UST: variants seen among roughly 807,000 people sequenced by gnomAD.
UST encodes the protein uronyl 2-sulfotransferase.
Under a neutral mutation model 45.6 loss-of-function variants are expected in UST, and 21 were observed. The observed-to-expected ratio is 0.46, with a 90% CI of 0.33 to 0.66. UST has a LOEUF of 0.66. Ranked by LOEUF, UST falls within the 30% of genes least tolerant of loss-of-function variation. UST has a pLI of 0.02. For synonymous variants in UST, 215 were observed against 200.6 expected (o/e 1.07, Z -0.61); for missense variants, 463 against 512.4 (o/e 0.90, Z 0.93).
intron 2 of UST, among the ~76,000 whole-genome samples, chr6:148,936,364 C>T (rs1297082365): frequency 2.0e-5 from 3 of 151,992 alleles, no homozygotes; most frequent in Non-Finnish European, 4.4e-5. Flanking sequence ...CTGTGATCCA[C>T]GGGGAGTATG....
chr6:148,877,282 G>A (rs1272935489), intron 1 of UST, among the ~76,000 whole-genome samples: 15 of 56,740 alleles, frequency 2.6e-4, no homozygotes, highest in African/African-American at 5.8e-4. Context: ...AGTGCGGGGA[G>A]TTGTGTATGA....
intron 5 of UST, among the ~76,000 whole-genome samples, chr6:149,017,270 G>A (rs1258985029): frequency 2.0e-5 from 3 of 152,000 alleles, no homozygotes; most frequent in Non-Finnish European, 2.9e-5. Context: ...CCAGCTACTC[G>A]GGAGGCTGAG....
chr6:149,043,507 C>G (rs1316972168), intron 7 of UST, among the ~76,000 whole-genome samples: 1 of 152,262 alleles, frequency 6.6e-6, no homozygotes, highest in Non-Finnish European at 1.5e-5. Flanking sequence ...TCCCCTAGAA[C>G]AGTGAGCATT....
rs914547098 is a variant in UST, at chr6:148,950,083, G to A, written c.448-3789G>A. 4.6e-5 allele frequency among the ~76,000 whole-genome samples: 7 copies of A among 152,192 alleles called. No homozygotes were observed. The South Asian group carries it at 1.5e-3, about 32-fold the overall frequency. Reference sequence around the variant, plus strand: ...AGGTAGTCACCTCCTTAACCCTCCCGGAACCTCCCCTTCTGTCTTACTTAC... The same window carrying A: ...AGGTAGTCACCTCCTTAACCCTCCCAGAACCTCCCCTTCTGTCTTACTTAC... On this transcript the variant is annotated intron_variant, in intron 3 of 7. Coordinates refer to ENST00000367463, the MANE Select transcript of UST (RefSeq NM_005715.3).
In UST at chr6:148,747,643, C is replaced by G. The variant is rs759786700; in HGVS notation, c.213C>G (p.Pro71=). Residue 71 remains proline, a synonymous_variant, in exon 1 of 8, where the codon CCC becomes CCG. Transcript: ENST00000367463. The part of the protein sequence containing the change: ...GSLLYQLSGG[P]PRFLLDLRQY... ...TCCTCTATCAGCTCAGCGGGGGACC[C>G]CCTCGCTTCCTGCTCGACCTGCGGC... The G allele has an allele frequency of 6.3e-7, 1 of 1,599,282 alleles. No homozygotes were observed. Among genetic ancestry groups the G allele is most frequent in the Admixed American group, 1.7e-5 (1 of 58,360 alleles).
rs1355528806 is a variant in UST at position 148,887,024 on chromosome 6, A to C, written c.286A>C (p.Ser96Arg). ...TYLDDHGPPP[S>R]KVLPFPSQVV... ...CTTGGATGACCATGGACCACCTCCT[A>C]GTAAGGTAAGATCTTTGCTTGTGAT... is the stretch of plus-strand genomic sequence containing the variant. The change falls in exon 2 of 8, where the codon AGT (serine) becomes CGT (arginine). Residue 96 changes from serine to arginine, a missense_variant. Transcript: ENST00000367463. 6.2e-7 allele frequency: 1 copy of C among 1,612,640 alleles called. No homozygotes were observed. Among genetic ancestry groups the C allele is most frequent in the Non-Finnish European group, 8.5e-7 (1 of 1,179,264 alleles).
rs765248980 is a variant in UST at position 148,953,942 on chromosome 6, A to G, written c.518A>G (p.Asn173Ser). The G allele has an allele frequency of 1.9e-6, 3 of 1,606,980 alleles. No homozygotes were observed. Among genetic ancestry groups the G allele is most frequent in the South Asian group, 1.1e-5 (1 of 89,738 alleles). The change falls in exon 4 of 8, where the codon AAC becomes AGC. Residue 173 changes from asparagine to serine, a missense_variant. Asn to Ser is a conservative substitution (Grantham distance 46). This residue lies in a region of UST where 287 missense variants were observed against 374.2 expected (regional missense o/e 0.77). Coordinates refer to ENST00000367463, the MANE Select transcript of UST (RefSeq NM_005715.3). ...YLFTRHVHFL[N>S]FSRFGGDQPV... ...TTCACTCGACATGTTCATTTCCTCA[A>G]CTTCTCAAGGTAAGACATTTTCCAG...
intron 3 of UST, among the ~76,000 whole-genome samples, chr6:148,946,624 A>G (rs1780244186): frequency 6.6e-6 from 1 of 150,960 alleles, no homozygotes; most frequent in Non-Finnish European, 1.5e-5. Flanking sequence ...ATCCTGGCTA[A>G]CATGGTGAAA....
chr6:149,011,318 G>A (rs1398437470), intron 5 of UST, among the ~76,000 whole-genome samples: 1 of 152,306 alleles, frequency 6.6e-6, no homozygotes, highest in East Asian at 1.9e-4. Flanking sequence ...ACTGGAAAGG[G>A]TAATGGCAGT....
At chr6:148,762,396 T>A (rs1776237886) in intron 1 of UST, among the ~76,000 whole-genome samples, 1 of 152,206 alleles carries the variant, frequency 6.6e-6, no homozygotes, top group South Asian at 2.1e-4. Flanking sequence ...TTGAAATGTA[T>A]GCAGTTACCA....
At chr6:149,073,762 T>C in intron 7 of UST, 71 bp from the exon 8 acceptor site, 2 of 1,552,660 alleles carry the variant, frequency 1.3e-6, no homozygotes, top group Non-Finnish European at 1.7e-6. Context: ...ACAGGTAATG[T>C]GGGTCCTCGC....
intron 1 of UST, among the ~76,000 whole-genome samples, chr6:148,865,507 G>A (rs549331572): frequency 8.6e-5 from 13 of 152,046 alleles, no homozygotes; most frequent in African/African-American, 2.2e-4. Context: ...TACTTATTAC[G>A]TTTAATATAA....
In UST at chr6:148,964,432, T is replaced by C; in HGVS notation, c.550T>C (p.Tyr184His). Residue 184 changes from tyrosine (Y) to histidine (H), a missense_variant, in exon 5 of 8, where the codon TAC becomes CAC. Tyr to His is a moderately conservative substitution (Grantham distance 83). This residue lies in a region of UST where 287 missense variants were observed against 374.2 expected (regional missense o/e 0.77). Coordinates refer to ENST00000367463, the MANE Select transcript of UST (RefSeq NM_005715.3). ...FSRFGGDQPV[Y>H]INIIRDPVNR... ...TAGGTTTGGAGGAGACCAGCCTGTC[T>C]ACATCAACATCATTAGAGACCCCGT... The C allele has an allele frequency of 6.2e-7, 1 of 1,614,212 alleles. No homozygotes were observed. Among genetic ancestry groups the C allele is most frequent in the South Asian group, 1.1e-5 (1 of 91,086 alleles).
intron 1 of UST, among the ~76,000 whole-genome samples, chr6:148,763,055 T>C (rs1254142156): frequency 6.6e-6 from 1 of 152,220 alleles, no homozygotes; most frequent in African/African-American, 2.4e-5. Context: ...TAGTTCGATT[T>C]TTAGTTCTTT....
At chr6:148,933,420 T>C (rs1779959331) in intron 2 of UST, among the ~76,000 whole-genome samples, 1 of 152,148 alleles carries the variant, frequency 6.6e-6, no homozygotes, top group Admixed American at 6.6e-5. Flanking sequence ...TATTTTTCTG[T>C]AGGTAGCATT....
At chr6:148,845,174 G>A (rs1428785314) in intron 1 of UST, among the ~76,000 whole-genome samples, 3 of 152,206 alleles carry the variant, frequency 2.0e-5, no homozygotes, top group Non-Finnish European at 4.4e-5. Context: ...GCTGGGTCGA[G>A]TGGTTGTTCT....
At chr6:149,017,578 T>C (rs1775921903) in intron 5 of UST, among the ~76,000 whole-genome samples, 1 of 151,818 alleles carries the variant, frequency 6.6e-6, no homozygotes, top group African/African-American at 2.4e-5. Flanking sequence ...CCTACATGTT[T>C]ATATTGTCCT....
intron 1 of UST, among the ~76,000 whole-genome samples, chr6:148,765,540 C>A (rs1026460132): frequency 1.3e-5 from 2 of 152,104 alleles, no homozygotes; most frequent in Non-Finnish European, 2.9e-5. Flanking sequence ...GCTCTACAAA[C>A]AATTTGTGTA....
chr6:148,984,139 T>A (rs899698745), intron 5 of UST, among the ~76,000 whole-genome samples: 4 of 152,356 alleles, frequency 2.6e-5, no homozygotes, highest in African/African-American at 7.2e-5. Context: ...TATTCAGATA[T>A]GGTCAATTCC....
Sources: allele counts gnomAD v4.1 joint callset (sites outside exome capture counted in the v4.1 genomes callset), GRCh38; gene constraint gnomAD v4.1.1; regional missense constraint gnomAD v4.1.1; transcripts MANE v1.5; gene names NCBI Gene and HGNC (gene_info 2026-07-23, HGNC 2026-07-21).